ABHD2: variants seen among roughly 807,000 people sequenced by gnomAD.
ABHD2 encodes the protein abhydrolase domain containing 2, acylglycerol lipase, also known as monoacylglycerol lipase ABHD2.
A neutral mutation model predicts 48.1 loss-of-function variants in ABHD2; 20 were observed. The ratio of observed to expected loss-of-function variants is 0.42; its 90% CI spans 0.29 to 0.60. The LOEUF (loss-of-function observed/expected upper bound fraction) is 0.60. Among genes scored for constraint, ABHD2 ranks in the 20% least tolerant of loss-of-function variants. The pLI, the probability that ABHD2 is intolerant of heterozygous loss-of-function variation, is 0.24. For missense variants in ABHD2, 405 were observed against 550.9 expected, an observed-to-expected ratio of 0.74 and a Z score of 2.65; for synonymous variants, 209 against 214.2, an observed-to-expected ratio of 0.98 and a Z score of 0.21.
At chr15:89,108,093 G>A (rs888699876) in intron 1 of ABHD2, among the ~76,000 whole-genome samples, 1 of 152,166 alleles carries the variant, frequency 6.6e-6, no homozygotes, top group African/African-American at 2.4e-5. Context: ...GAGTAACAAG[G>A]GTCCTTTCAG....
At chr15:89,161,968 G>T (rs963295655) in intron 5 of ABHD2, among the ~76,000 whole-genome samples, 1 of 152,126 alleles carries the variant, frequency 6.6e-6, no homozygotes, top group Middle Eastern at 3.2e-3. Flanking sequence ...CTGTTTTCTT[G>T]CTGTGGATTC....
chr15:89,096,550 A>G (rs554067406), intron 1 of ABHD2, among the ~76,000 whole-genome samples: 5 of 152,328 alleles, frequency 3.3e-5, no homozygotes, highest in Middle Eastern at 6.8e-3. Flanking sequence ...AGGCAGACAG[A>G]GGTTTCCAGT....
At chr15:89,112,172 A>G (rs1048779806) in intron 1 of ABHD2, among the ~76,000 whole-genome samples, 1 of 152,114 alleles carries the variant, frequency 6.6e-6, no homozygotes, top group Non-Finnish European at 1.5e-5. Flanking sequence ...CTGGGTCTGA[A>G]GCGGGGCAGC....
intron 6 of ABHD2, among the ~76,000 whole-genome samples, chr15:89,181,228 C>CTAAAAA (rs2051106645): frequency 1.4e-5 from 1 of 69,176 alleles, no homozygotes; most frequent in African/African-American, 6.1e-5. Flanking sequence ...GACTCTGTCT[C>CTAAAAA]AAAAAAAAAA....
At chr15:89,143,598 C>T (rs946015947) in intron 3 of ABHD2, among the ~76,000 whole-genome samples, 5 of 151,510 alleles carry the variant, frequency 3.3e-5, no homozygotes, top group African/African-American at 9.7e-5. Context: ...ACCCAGGAGG[C>T]GGAGGTTGCA....
Position 89,186,372 on chromosome 15 carries a change from CT to C in ABHD2, c.815+861del, listed in dbSNP as rs1388566032. Among the ~76,000 whole-genome samples the C allele has an allele frequency of 6.6e-6, 1 of 152,172 alleles. No homozygotes were observed. The highest frequency in any genetic ancestry group is 1.5e-5 in the Non-Finnish European group (1 of 68,030). On this transcript the variant is annotated intron_variant, in intron 7 of 10. Coordinates refer to ENST00000352732, the MANE Select transcript of ABHD2 (RefSeq NM_152924.5). This position sits in a 1 kb window ranked among gnomAD's most constrained non-coding sequence, Gnocchi z 4.3. ...AGCACCAGATAAATATTAGCAATGA[CT>C]TTTTCATTATGATTATTATTATTGC...
chr15:89,134,650 C>A (rs1346011939), intron 3 of ABHD2, among the ~76,000 whole-genome samples: 17 of 152,008 alleles, frequency 1.1e-4, no homozygotes, highest in Non-Finnish European at 4.4e-5. Context: ...TTGTTTAATT[C>A]CACATATAAA....
At chr15:89,134,464 T>C (rs1422116910) in intron 3 of ABHD2, among the ~76,000 whole-genome samples, 1 of 152,202 alleles carries the variant, frequency 6.6e-6, no homozygotes, top group East Asian at 1.9e-4. Context: ...TTTAGGCATA[T>C]TTCCAGTCTT....
the ABHD2 span, among the ~76,000 whole-genome samples, chr15:89,082,225 T>C: frequency 6.6e-6 from 1 of 152,222 alleles, no homozygotes; most frequent in East Asian, 1.9e-4. The surrounding 1 kb of genome is among the most constrained non-coding windows in gnomAD (Gnocchi z 4.4). Context: ...TTTAATAACA[T>C]TATTAAGTAA....
chr15:89,072,736 T>C, the ABHD2 span, among the ~76,000 whole-genome samples: 1 of 152,186 alleles, frequency 6.6e-6, no homozygotes, highest in African/African-American at 2.4e-5. Context: ...CATTCATCCA[T>C]TTCTTATTGA....
intron 5 of ABHD2, among the ~76,000 whole-genome samples, chr15:89,159,095 C>G (rs1305382908): frequency 3.3e-5 from 5 of 151,796 alleles, no homozygotes; most frequent in Admixed American, 6.6e-5. Context: ...TACAATACAA[C>G]GCCGGGCACG....
In ABHD2 at chr15:89,201,669, C is replaced by A. The variant is rs375850322; in HGVS notation, c.*6246C>A. The stretch of plus-strand genomic sequence containing the variant: ...AGTCTTCACTTTGAAACACACTTTT[C>A]TATCCGATGGATTTCGCAATTTAAG... On this transcript the variant is annotated 3_prime_UTR_variant, in exon 11 of 11. Transcript: ENST00000352732. 1.1e-4 allele frequency: 174 copies of A among 1,608,476 alleles called. No homozygotes were observed. The African/African-American group carries it at 2.2e-3, about 20-fold the overall frequency.
the ABHD2 span, among the ~76,000 whole-genome samples, chr15:89,077,818 T>C: frequency 9.2e-5 from 14 of 152,316 alleles, no homozygotes; most frequent in South Asian, 2.5e-3. Context: ...CCTGGTCTGC[T>C]TTTCTTTCTC....
At chr15:89,117,484 T>C (rs2049980046) in intron 3 of ABHD2, among the ~76,000 whole-genome samples, 1 of 152,236 alleles carries the variant, frequency 6.6e-6, no homozygotes, top group East Asian at 1.9e-4. Flanking sequence ...AATGACTGTG[T>C]CTTCCTCCAG....
the ABHD2 span, among the ~76,000 whole-genome samples, chr15:89,071,435 A>G: frequency 1.3e-5 from 2 of 152,176 alleles, no homozygotes; most frequent in Non-Finnish European, 2.9e-5. Flanking sequence ...AGAAAAAAAA[A>G]GACATAGGGT....
At chr15:89,067,155 G>A in the ABHD2 span, among the ~76,000 whole-genome samples, 7 of 151,446 alleles carry the variant, frequency 4.6e-5, no homozygotes, top group African/African-American at 1.4e-4. Flanking sequence ...CATAAAGTGG[G>A]ATCAGGGGGC....
Position 89,188,267 on chromosome 15 carries a change from C to T in ABHD2, c.890C>T (p.Ala297Val). Residue 297 changes from alanine (A) to valine (V), a missense_variant, in exon 8 of 11, where the codon GCA (alanine) becomes GTA (valine). Coordinates refer to ENST00000352732, the MANE Select transcript of ABHD2 (RefSeq NM_152924.5). The surrounding 1 kb of genome is among the most constrained non-coding windows in gnomAD (Gnocchi z 4.1). ...EDTDLSRLYT[A>V]TSLMQIDDNV... ...ACGGACTTGAGCCGGCTCTACACAG[C>T]AACATCCCTGATGCAGATTGATGAC... The T allele has an allele frequency of 6.2e-7, 1 of 1,614,234 alleles. No individual in the cohort carries two copies. Among genetic ancestry groups the T allele is most frequent in the Non-Finnish European group, 8.5e-7 (1 of 1,180,036 alleles).
intron 3 of ABHD2, among the ~76,000 whole-genome samples, chr15:89,134,462 T>A (rs2050270653): frequency 6.6e-6 from 1 of 152,200 alleles, no homozygotes; most frequent in African/African-American, 2.4e-5. Context: ...TATTTAGGCA[T>A]ATTTCCAGTC....
chr15:89,158,193 A>G (rs1158744874), intron 5 of ABHD2, among the ~76,000 whole-genome samples: 1 of 152,206 alleles, frequency 6.6e-6, no homozygotes, highest in Non-Finnish European at 1.5e-5. Flanking sequence ...TTATCTCCAC[A>G]GCAACCCATG....
Sources: allele counts gnomAD v4.1 joint callset (sites outside exome capture counted in the v4.1 genomes callset), GRCh38; gene constraint gnomAD v4.1.1; non-coding constraint Gnocchi (gnomAD v3.1); transcripts MANE v1.5; gene names NCBI Gene and HGNC (gene_info 2026-07-23, HGNC 2026-07-21).